CACNA1A: variants seen among roughly 807,000 people sequenced by gnomAD.
The protein encoded by CACNA1A is calcium voltage-gated channel subunit alpha1 A.
CACNA1A carries 57 observed loss-of-function variants against 262.4 expected under a neutral mutation model. The ratio of observed to expected loss-of-function variants is 0.22; its 90% CI spans 0.18 to 0.27. The LOEUF (loss-of-function observed/expected upper bound fraction) is 0.27. CACNA1A is among the 10% of genes least tolerant of loss of function. The pLI is 1.00. For synonymous variants in CACNA1A, 1,431 were observed against 1,419.3 expected, an observed-to-expected ratio of 1.01 and a Z score of -0.18; for missense variants, 2,526 against 3,562.8, an observed-to-expected ratio of 0.71 and a Z score of 7.41.
intron 36 of CACNA1A, 125 bp from the exon 37 acceptor site, chr19:13,227,652 C>G (rs2055509124): frequency 1.0e-5 from 4 of 396,854 alleles, no homozygotes; most frequent in Non-Finnish European, 1.8e-5. Context: ...TCCACACGAG[C>G]CGAAAAAATA....
rs185324646 is a variant in CACNA1A at position 13,408,976 on chromosome 19, C to T, written c.540-37197G>A. On this transcript the variant is annotated intron_variant, in intron 3 of 46. Coordinates refer to ENST00000360228, the MANE Select transcript of CACNA1A (RefSeq NM_001127222.2). ...TTTGTAATTCCGAGTTGAAAATAGACATACCGACTTCATGCTGACTGTTTC... is the reference window on the plus strand; with the variant it reads ...TTTGTAATTCCGAGTTGAAAATAGATATACCGACTTCATGCTGACTGTTTC... Among the ~76,000 whole-genome samples, 11 of 152,336 alleles carry T rather than the reference C, an allele frequency of 7.2e-5. No individual in the cohort carries two copies. In the East Asian group the frequency reaches 1.9e-3, roughly 27 times the overall value.
chr19:13,397,033 T>C (rs2059822715), intron 3 of CACNA1A, among the ~76,000 whole-genome samples: 1 of 152,210 alleles, frequency 6.6e-6, no homozygotes, highest in African/African-American at 2.4e-5. Context: ...TCTCACCTGT[T>C]CCTATCTCTT....
intron 19 of CACNA1A, among the ~76,000 whole-genome samples, chr19:13,296,751 TTTTC>T (rs141812936): frequency 0.088 from 13,378 of 152,102 alleles, 740 homozygotes; most frequent in South Asian, 0.23. Context: ...TGCCTTTTCT[TTTTC>T]TTTATTTTTT....
intron 1 of CACNA1A, among the ~76,000 whole-genome samples, chr19:13,504,130 G>A (rs1385090976): frequency 6.6e-6 from 1 of 152,126 alleles, no homozygotes; most frequent in Non-Finnish European, 1.5e-5. Context: ...CACTCCTGGA[G>A]CTAACTGGGT....
In CACNA1A at chr19:13,306,260, C is replaced by G. The variant is rs528009886; in HGVS notation, c.1986+1522G>C. Among the ~76,000 whole-genome samples, 6 of 152,304 alleles carry G rather than the reference C, an allele frequency of 3.9e-5. No individual in the cohort carries two copies. In the South Asian group the frequency reaches 1.2e-3, roughly 32 times the overall value. On this transcript the variant is annotated intron_variant, in intron 15 of 46. Coordinates refer to ENST00000360228, the MANE Select transcript of CACNA1A (RefSeq NM_001127222.2). ...GATGCTCTGAAGGTCCCGGCTGGGC[C>G]AGTCCCAAGCCTCAGGGAATGCGCC... is the stretch of plus-strand genomic sequence containing the variant.
rs778698602 is a variant in CACNA1A, at chr19:13,207,538, C to T, written c.7296G>A (p.Gly2432=). The T allele has an allele frequency of 6.9e-7, 1 of 1,449,372 alleles. No individual in the cohort carries two copies. Among genetic ancestry groups the T allele is most frequent in the South Asian group, 1.3e-5 (1 of 76,616 alleles). 89.8% of individuals were successfully genotyped at this position (1,449,372 alleles called of 1,614,324 possible). A position where few individuals can be genotyped will look rare whatever the true frequency, so the allele number is the denominator to read the frequency against. The change falls in exon 47 of 47, where the codon GGG becomes GGA. Residue 2432 remains glycine (G), a synonymous_variant. Coordinates refer to ENST00000360228, the MANE Select transcript of CACNA1A (RefSeq NM_001127222.2). The surrounding 1 kb of genome is among the most constrained non-coding windows in gnomAD (Gnocchi z 5.7). ...GSGGGEEAMA[G]AYDAPPPVRH... ...GTACGGGGGGTGGCGCGTCGTAGGC[C>T]CCGGCCATGGCCTCCTCGCCGCCCC...
rs547542191 is a variant in CACNA1A at position 13,332,302 on chromosome 19, G to C, written c.1255+567C>G. 6.6e-5 allele frequency among the ~76,000 whole-genome samples: 10 copies of C among 152,200 alleles called. No individual in the cohort carries two copies. The South Asian group carries it at 2.1e-3, about 32-fold the overall frequency. ...TGTAATCTCAGCTTCTCATGAGGCT[G>C]AGGCAGAGAATTGCTTGAACCTGGG... On this transcript the variant is annotated intron_variant, in intron 9 of 46. Coordinates refer to ENST00000360228, the MANE Select transcript of CACNA1A (RefSeq NM_001127222.2).
chr19:13,306,184 G>A lies in CACNA1A; in HGVS notation c.1986+1598C>T, dbSNP rs1338246020. Among the ~76,000 whole-genome samples the A allele has an allele frequency of 3.3e-5, 5 of 152,170 alleles. No homozygotes were observed. The South Asian group carries it at 8.3e-4, about 25-fold the overall frequency. On this transcript the variant is annotated intron_variant, in intron 15 of 46. Transcript: ENST00000360228. ...CTCCCCAGGAGAAGGAGAGAGTGAAGTCACATTTTCTATACACTCTCAGTC... is the reference window on the plus strand; with the variant it reads ...CTCCCCAGGAGAAGGAGAGAGTGAAATCACATTTTCTATACACTCTCAGTC...
intron 35 of CACNA1A, among the ~76,000 whole-genome samples, chr19:13,230,474 A>C (rs1187297419): frequency 6.6e-6 from 1 of 152,096 alleles, no homozygotes; most frequent in African/African-American, 2.4e-5. Flanking sequence ...GAAGAGGAAG[A>C]GAGAAACAGA....
At chr19:13,483,058 T>C (rs1979545457) in intron 1 of CACNA1A, among the ~76,000 whole-genome samples, 1 of 152,098 alleles carries the variant, frequency 6.6e-6, no homozygotes, top group African/African-American at 2.4e-5. Flanking sequence ...ACTGGGACCC[T>C]CTCTCATACA....
intron 22 of CACNA1A, among the ~76,000 whole-genome samples, chr19:13,281,931 T>C (rs1327290512): frequency 6.6e-6 from 1 of 152,188 alleles, no homozygotes; most frequent in East Asian, 1.9e-4. Flanking sequence ...TCCATGCCTG[T>C]GCCCTCCCTG....
At chr19:13,239,439 A>G (rs1010968959) in intron 31 of CACNA1A, among the ~76,000 whole-genome samples, 2 of 152,168 alleles carry the variant, frequency 1.3e-5, no homozygotes, top group Non-Finnish European at 1.5e-5. Context: ...TCAAGGGGTT[A>G]TTTGACCGAT....
At chr19:13,438,858 GATTTT>G (rs1044884321) in intron 3 of CACNA1A, among the ~76,000 whole-genome samples, 2 of 152,064 alleles carry the variant, frequency 1.3e-5, no homozygotes, top group East Asian at 1.9e-4. Flanking sequence ...AAAATATCCT[GATTTT>G]ATTTTATTTT....
intron 1 of CACNA1A, among the ~76,000 whole-genome samples, chr19:13,474,539 C>A (rs890870663): frequency 6.6e-6 from 1 of 152,202 alleles, no homozygotes; most frequent in South Asian, 2.1e-4. Flanking sequence ...AAAGAGTTTG[C>A]CAGGTGTGGT....
At chr19:13,227,701 C>G (rs1184581788) in intron 36 of CACNA1A, 174 bp from the exon 37 acceptor site, 4 of 344,080 alleles carry the variant, frequency 1.2e-5, no homozygotes, top group African/African-American at 2.2e-5. Flanking sequence ...ATAGATATTT[C>G]AAATCAATGG....
chr19:13,226,408 G>A (rs1465523307), intron 37 of CACNA1A: 1 of 152,264 alleles, frequency 6.6e-6, no homozygotes, highest in African/African-American at 2.4e-5. Context: ...CACAGAGGAA[G>A]GAAAGGAATG....
At chr19:13,331,642 C>A (rs549701402) in intron 9 of CACNA1A, among the ~76,000 whole-genome samples, 2 of 152,034 alleles carry the variant, frequency 1.3e-5, no homozygotes, top group South Asian at 2.1e-4. Context: ...TATTATATTG[C>A]AGACATATTA....
intron 1 of CACNA1A, among the ~76,000 whole-genome samples, chr19:13,470,594 C>G (rs1264931414): frequency 6.6e-6 from 1 of 152,140 alleles, no homozygotes; most frequent in African/African-American, 2.4e-5. Context: ...ATGTATTTTG[C>G]CATTCTCTTG....
intron 15 of CACNA1A, among the ~76,000 whole-genome samples, chr19:13,306,334 C>A (rs1307267329): frequency 6.6e-6 from 1 of 152,130 alleles, no homozygotes; most frequent in Non-Finnish European, 1.5e-5. Context: ...GAATATGAGA[C>A]CAAGGTATCT....
Sources: gnomAD v4.1 joint callset for allele counts (sites outside exome capture counted in the v4.1 genomes callset) on GRCh38, gnomAD v4.1.1 for gene constraint, Gnocchi (gnomAD v3.1) non-coding constraint, MANE v1.5 for transcripts, NCBI Gene and HGNC (gene_info 2026-07-23, HGNC 2026-07-21) for gene names.